The following CKM variants were observed in gnomAD, a reference collection of about 807,000 sequenced individuals.
CKM encodes creatine kinase, M-type.
In CKM, 28 loss-of-function variants were observed where a neutral mutation model predicts 35.4. The ratio of observed to expected loss-of-function variants is 0.79; its 90% CI spans 0.59 to 1.08. The LOEUF is 1.08. CKM is among the 50% of genes least tolerant of loss of function. CKM has a pLI of 0.00. For missense variants in CKM, 484 were observed against 509.8 expected (o/e 0.95, Z 0.49); for synonymous variants, 215 against 204.4 (o/e 1.05, Z -0.44).
At chr19:45,312,501 C>T (rs1971119673) in intron 4 of CKM, among the ~76,000 whole-genome samples, 1 of 151,922 alleles carries the variant, frequency 6.6e-6, no homozygotes, top group African/African-American at 2.4e-5. Context: ...TGGCTCACTG[C>T]CACCTCCGTC....
chr19:45,314,543 C>A (rs1049093476), intron 4 of CKM, among the ~76,000 whole-genome samples: 2 of 151,552 alleles, frequency 1.3e-5, no homozygotes, highest in Admixed American at 1.3e-4. Context: ...TCTCCCAAGT[C>A]GCTGGGATTA....
chr19:45,320,394 G>T (rs761668893), intron 1 of CKM, among the ~76,000 whole-genome samples: 1 of 152,234 alleles, frequency 6.6e-6, no homozygotes, highest in Non-Finnish European at 1.5e-5. Context: ...ACTGTGCCCC[G>T]CCTAGCTCGC....
chr19:45,310,114 TGC>T (rs1971092268), intron 5 of CKM, among the ~76,000 whole-genome samples: 1 of 126,774 alleles, frequency 7.9e-6, no homozygotes. Flanking sequence ...TACCAGGCAC[TGC>T]TTTTTTTTTT....
intron 4 of CKM, among the ~76,000 whole-genome samples, chr19:45,312,306 G>GT (rs1317360034): frequency 1.3e-5 from 2 of 152,328 alleles, no homozygotes; most frequent in East Asian, 3.9e-4. Context: ...AAGTAGAATG[G>GT]TAGCCAGGTG....
intron 1 of CKM, among the ~76,000 whole-genome samples, 153 bp from the exon 2 acceptor site, chr19:45,319,884 G>A (rs572249265): frequency 6.7e-6 from 1 of 150,212 alleles, no homozygotes; most frequent in Admixed American, 6.6e-5. Context: ...TCCACCTCCT[G>A]GGTTCACACC....
chr19:45,320,289 AT>A (rs1971201456), intron 1 of CKM, among the ~76,000 whole-genome samples: 1 of 150,008 alleles, frequency 6.7e-6, no homozygotes, highest in Non-Finnish European at 1.5e-5. Context: ...GGGTTTCACC[AT>A]CTCTACTGGT....
chr19:45,307,073 T>C (rs1971060006), intron 7 of CKM, 145 bp from the exon 8 acceptor site: 1 of 777,062 alleles, frequency 1.3e-6, no homozygotes, highest in African/African-American at 1.7e-5. Context: ...GCCTGTTCAT[T>C]CGTGAGCTCA....
Position 45,306,472 on chromosome 19 carries a change from G to A in CKM, c.*278C>T, listed in dbSNP as rs949836759. 11 of 520,790 alleles carry A rather than the reference G, an allele frequency of 2.1e-5. No individual in the cohort carries two copies. Among genetic ancestry groups the A allele is most frequent in the Non-Finnish European group, 2.8e-5 (8 of 286,184 alleles). 32.3% of individuals were successfully genotyped at this position (520,790 alleles called of 1,614,324 possible). A position where few individuals can be genotyped will look rare whatever the true frequency, so the allele number is the denominator to read the frequency against. ...TGGAGACAAAGCACAAGCTCCGAGTGTGCTGGGAGCTCTCCATTAACTAGA... is the reference window on the plus strand; with the variant it reads ...TGGAGACAAAGCACAAGCTCCGAGTATGCTGGGAGCTCTCCATTAACTAGA... On this transcript the variant is annotated 3_prime_UTR_variant, in exon 8 of 8. Transcript: ENST00000221476. This position sits in a 1 kb window ranked among gnomAD's most constrained non-coding sequence, Gnocchi z 4.5.
At chr19:45,307,064 C>A in intron 7 of CKM, 136 bp from the exon 8 acceptor site, 1 of 822,244 alleles carries the variant, frequency 1.2e-6, no homozygotes, top group Non-Finnish European at 2.0e-6. Context: ...ACAGGTAATG[C>A]CTGTTCATTC....
intron 3 of CKM, among the ~76,000 whole-genome samples, chr19:45,315,849 C>CTTTTTTT (rs376961493): frequency 1.5e-4 from 20 of 135,636 alleles, no homozygotes; most frequent in South Asian, 9.4e-4. Context: ...ATTTCTTTTC[C>CTTTTTTT]TTTTTTTTCT....
intron 2 of CKM, among the ~76,000 whole-genome samples, chr19:45,318,816 G>A (rs928980007): frequency 6.6e-6 from 1 of 151,714 alleles, no homozygotes; most frequent in African/African-American, 2.4e-5. Flanking sequence ...GCCTTGCAAT[G>A]TCCTTTGAGA....
intron 4 of CKM, among the ~76,000 whole-genome samples, chr19:45,314,295 A>G (rs572545045): frequency 6.6e-6 from 1 of 152,328 alleles, no homozygotes; most frequent in Non-Finnish European, 1.5e-5. Flanking sequence ...GAAAGGTTCC[A>G]ACTTGCTGAG....
intron 6 of CKM, 43 bp from the exon 7 acceptor site, chr19:45,307,693 C>T: frequency 6.5e-7 from 1 of 1,538,276 alleles, no homozygotes; most frequent in Non-Finnish European, 9.0e-7. Context: ...CCGGCAGGCA[C>T]CCCCAAATGC....
chr19:45,320,104 TG>T (rs1971199845), intron 1 of CKM, among the ~76,000 whole-genome samples: 1 of 145,654 alleles, frequency 6.9e-6, no homozygotes, highest in South Asian at 2.2e-4. Context: ...TTCTTTTTTT[TG>T]AGATGGAGTC....
chr19:45,322,063 C>G (rs985376912), intron 1 of CKM, among the ~76,000 whole-genome samples: 1 of 152,094 alleles, frequency 6.6e-6, no homozygotes, highest in Non-Finnish European at 1.5e-5. Context: ...AGGCCCAAGA[C>G]AGGTGGGCCA....
intron 6 of CKM, 131 bp downstream of exon 6, chr19:45,308,278 C>T: frequency 8.8e-7 from 1 of 1,136,570 alleles, no homozygotes; most frequent in Admixed American, 2.1e-5. Context: ...GGGGTGGAGC[C>T]AGGTCCGGGG....
chr19:45,311,718 G>A, intron 5 of CKM, 31 bp downstream of exon 5: 1 of 1,541,018 alleles, frequency 6.5e-7, no homozygotes. Context: ...GCTGGGGGAA[G>A]AGGAAGCCAG....
rs1225179114 is a variant in CKM, at chr19:45,311,824, A to T, written c.578T>A (p.Leu193Gln). ...EQQQLIDDHF[L>Q]FDKPVSPLLL... is the part of the protein sequence containing the mutation. ...CAGCGGGGACACGGGCTTGTCGAAC[A>T]GGAAGTGGTCATCGATGAGCTGCTG... Residue 193 changes from leucine (L) to glutamine (Q), a missense_variant, in exon 5 of 8, where the codon CTG becomes CAG. Coordinates refer to ENST00000221476, the MANE Select transcript of CKM (RefSeq NM_001824.5). 6.2e-7 allele frequency: 1 copy of T among 1,613,026 alleles called. No homozygotes were observed.
chr19:45,310,931 G>A (rs955257545), intron 5 of CKM, among the ~76,000 whole-genome samples: 8 of 114,570 alleles, frequency 7.0e-5, no homozygotes, highest in African/African-American at 2.0e-4. Flanking sequence ...CCACGACGCC[G>A]GGCTAATTTT....
Sources: allele counts gnomAD v4.1 joint callset (sites outside exome capture counted in the v4.1 genomes callset), GRCh38; gene constraint gnomAD v4.1.1; non-coding constraint Gnocchi (gnomAD v3.1); transcripts MANE v1.5; gene names NCBI Gene and HGNC (gene_info 2026-07-23, HGNC 2026-07-21).